CRTAP: variants seen among roughly 807,000 people sequenced by gnomAD.
CRTAP encodes cartilage-associated protein.
A neutral mutation model predicts 42.7 loss-of-function variants in CRTAP; 33 were observed. The observed-to-expected ratio is 0.77, with a 90% CI of 0.59 to 1.03. The LOEUF (loss-of-function observed/expected upper bound fraction) is 1.03. Ranked by LOEUF, CRTAP falls within the 50% of genes least tolerant of loss-of-function variation. The pLI is 0.00. For missense variants in CRTAP, 613 were observed against 533.9 expected (o/e 1.15, Z -1.46); for synonymous variants, 243 against 217.7 (o/e 1.12, Z -1.02).
Position 33,114,404 on chromosome 3 carries a change from CG to C in CRTAP, c.332del (p.Gly111AlafsTer63). The C allele has an allele frequency of 6.5e-7, 1 of 1,540,532 alleles. No homozygotes were observed. The highest frequency in any genetic ancestry group is 8.7e-7 in the Non-Finnish European group (1 of 1,148,314). On this transcript the variant is annotated frameshift_variant, in exon 1 of 7. Coordinates refer to ENST00000320954, the MANE Select transcript of CRTAP (RefSeq NM_006371.5). LOFTEE classifies it high-confidence loss of function. ...CCAGCTATCCCGAGCTGCGCCTCTT[CG>C]GGGGCCTGCTGCGCCGCGCGCACTG... ...LASYPELRLFGGLLRRAHCLK... is the reference protein window; with the variant it reads ...LASYPELRLFXGLLRRAHCLK...
At chr3:33,117,916 C>A (rs562450003) in intron 1 of CRTAP, among the ~76,000 whole-genome samples, 6 of 152,284 alleles carry the variant, frequency 3.9e-5, no homozygotes, top group African/African-American at 7.2e-5. Flanking sequence ...AAGTTAGAAG[C>A]CTTAAAAATC....
chr3:33,138,442 T>G (rs1313187668), intron 6 of CRTAP, among the ~76,000 whole-genome samples: 4 of 152,204 alleles, frequency 2.6e-5, no homozygotes, highest in African/African-American at 9.6e-5. Context: ...TATTTTATTA[T>G]TCCTAAACAT....
rs1459357301 is a variant in CRTAP, at chr3:33,114,253, A to G, written c.176A>G (p.His59Arg). 6.9e-6 allele frequency: 11 copies of G among 1,587,602 alleles called. No individual in the cohort carries two copies. Among genetic ancestry groups the G allele is most frequent in the South Asian group, 2.3e-5 (2 of 88,426 alleles). The change falls in exon 1 of 7, where the codon CAC becomes CGC. Residue 59 changes from histidine to arginine, a missense_variant. Transcript: ENST00000320954. ...GCGCTGGACAAGTACAGCGGCGAGC[A>G]CTGGGCCGAGAGCGTGGGCTACCTG... is the stretch of plus-strand genomic sequence containing the variant. ...RHALDKYSGE[H>R]WAESVGYLEI...
Position 33,114,253 on chromosome 3 carries a change from A to C in CRTAP, c.176A>C (p.His59Pro). ...RHALDKYSGE[H>P]WAESVGYLEI... ...GCGCTGGACAAGTACAGCGGCGAGC[A>C]CTGGGCCGAGAGCGTGGGCTACCTG... The change falls in exon 1 of 7, where the codon CAC (histidine) becomes CCC (proline). Residue 59 changes from histidine to proline, a missense_variant. Transcript: ENST00000320954. The C allele has an allele frequency of 3.8e-6, 6 of 1,587,710 alleles. No individual in the cohort carries two copies. The highest frequency in any genetic ancestry group is 5.1e-6 in the Non-Finnish European group (6 of 1,173,380).
intron 2 of CRTAP, among the ~76,000 whole-genome samples, chr3:33,123,134 C>A (rs1575515740): frequency 6.6e-6 from 1 of 151,914 alleles, no homozygotes; most frequent in African/African-American, 2.4e-5. Context: ...AGCAGAAAGT[C>A]CTTGAAGTTT....
At chr3:33,120,289 C>A in intron 1 of CRTAP, 55 bp from the exon 2 acceptor site, 1 of 1,501,206 alleles carries the variant, frequency 6.7e-7, no homozygotes, top group Non-Finnish European at 9.3e-7. Context: ...TCTTGTTTTA[C>A]AAAAATTACC....
intron 2 of CRTAP, among the ~76,000 whole-genome samples, chr3:33,121,437 A>G (rs1469376298): frequency 1.3e-5 from 2 of 152,026 alleles, no homozygotes; most frequent in African/African-American, 4.8e-5. Flanking sequence ...AAATGGGGAT[A>G]TGTGGAAAAT....
At chr3:33,127,573 G>A (rs1474911823) in intron 3 of CRTAP, among the ~76,000 whole-genome samples, 3 of 151,736 alleles carry the variant, frequency 2.0e-5, no homozygotes, top group South Asian at 2.1e-4. Flanking sequence ...TCAGCCTCCC[G>A]AGTAGCTGGG....
chr3:33,137,244 G>A (rs1193277123), intron 6 of CRTAP, among the ~76,000 whole-genome samples: 2 of 152,080 alleles, frequency 1.3e-5, no homozygotes, highest in Non-Finnish European at 2.9e-5. Context: ...AGGTTCAAGT[G>A]ATTCCCTGCC....
chr3:33,129,018 A>G (rs1309180897), intron 3 of CRTAP, among the ~76,000 whole-genome samples: 1 of 152,208 alleles, frequency 6.6e-6, no homozygotes, highest in Admixed American at 6.5e-5. Flanking sequence ...AAGGCTGTGT[A>G]GATTCTGTTA....
chr3:33,137,744 T>C (rs1288878881), intron 6 of CRTAP, among the ~76,000 whole-genome samples: 1 of 152,230 alleles, frequency 6.6e-6, no homozygotes, highest in Non-Finnish European at 1.5e-5. Flanking sequence ...GCTTTTGTGT[T>C]GTGTGTCATA....
intron 2 of CRTAP, among the ~76,000 whole-genome samples, chr3:33,122,686 G>C (rs1431276877): frequency 7.2e-6 from 1 of 138,312 alleles, no homozygotes; most frequent in Non-Finnish European, 1.5e-5. Flanking sequence ...TTCGAGCCTG[G>C]GCAACAGAGC....
In CRTAP at chr3:33,144,885, T is replaced by G. The variant is rs951014038; in HGVS notation, c.*2437T>G. 6.6e-5 allele frequency: 10 copies of G among 152,244 alleles called. No homozygotes were observed. Among genetic ancestry groups the G allele is most frequent in the African/African-American group, 2.2e-4 (9 of 41,454 alleles). The allele number at this position is 152,244 out of a possible 1,614,324, so 9.4% of individuals were successfully genotyped here. A position where few individuals can be genotyped will look rare whatever the true frequency, so the allele number is the denominator to read the frequency against. ...GTGGTGTTCTGGAAGCTGAGCTTTC[T>G]TTATTCAACCTCATTCCCTTCTCCA... On this transcript the variant is annotated 3_prime_UTR_variant, in exon 7 of 7. Transcript: ENST00000320954.
intron 2 of CRTAP, among the ~76,000 whole-genome samples, chr3:33,123,453 C>T (rs997620828): frequency 5.7e-5 from 5 of 87,040 alleles, no homozygotes; most frequent in Admixed American, 4.7e-4. Flanking sequence ...AACACCTCCC[C>T]GCTCTCTTCC....
Position 33,144,387 on chromosome 3 carries a change from C to T in CRTAP, c.*1939C>T, listed in dbSNP as rs1483661121. On this transcript the variant is annotated 3_prime_UTR_variant, in exon 7 of 7. Coordinates refer to ENST00000320954, the MANE Select transcript of CRTAP (RefSeq NM_006371.5). ...ATCAAAGTGGAGAGTTCTCTCAGGT[C>T]AGGTCTGCAGCAGAGCTCGAGACAG... 6.6e-6 allele frequency: 1 copy of T among 152,184 alleles called. No individual in the cohort carries two copies. The highest frequency in any genetic ancestry group is 2.4e-5 in the African/African-American group (1 of 41,430). 9.4% of individuals were successfully genotyped at this position (152,184 alleles called of 1,614,324 possible).
chr3:33,125,165 T>C (rs1230766969), intron 3 of CRTAP, among the ~76,000 whole-genome samples: 4 of 152,172 alleles, frequency 2.6e-5, no homozygotes, highest in African/African-American at 9.6e-5. Flanking sequence ...CTCCAGAAAC[T>C]GGGAAATGGC....
At chr3:33,134,077 C>T (rs756030522) in intron 5 of CRTAP, 105 bp from the exon 6 acceptor site, 28 of 791,124 alleles carry the variant, frequency 3.5e-5, no homozygotes, top group Non-Finnish European at 6.1e-5. Flanking sequence ...TAATTTTAAA[C>T]ATTTTCATCA....
Position 33,132,554 on chromosome 3 carries a change from G to C in CRTAP, c.923-1G>C. The C allele has an allele frequency of 6.2e-7, 1 of 1,614,016 alleles. No individual in the cohort carries two copies. The highest frequency in any genetic ancestry group is 8.5e-7 in the Non-Finnish European group (1 of 1,179,900). On this transcript the variant is annotated splice_acceptor_variant, in intron 4 of 6. Transcript: ENST00000320954. LOFTEE classifies it high-confidence loss of function. ...CATTTGTCTTTTCTTCCCAACCCTA[G>C]TGAACGACCTGAAGAATGCAGCCCC...
chr3:33,116,297 T>G lies in CRTAP; in HGVS notation c.471+1749T>G, dbSNP rs192627262. Among the ~76,000 whole-genome samples the G allele has an allele frequency of 1.9e-3, 293 of 152,348 alleles. 1 individual carries two copies. The highest frequency in any genetic ancestry group is 6.8e-3 in the African/African-American group (283 of 41,576). On this transcript the variant is annotated intron_variant, in intron 1 of 6. Transcript: ENST00000320954. Reference sequence around the variant, plus strand: ...TGGTCATAGCTTCTCTTCAAAACCCTTTACAGGTCTTGTAACAATCACTTA... The same window carrying G: ...TGGTCATAGCTTCTCTTCAAAACCCGTTACAGGTCTTGTAACAATCACTTA...
Sources: gnomAD v4.1 joint callset for allele counts (sites outside exome capture counted in the v4.1 genomes callset) on GRCh38, gnomAD v4.1.1 for gene constraint, MANE v1.5 for transcripts, NCBI Gene and HGNC (gene_info 2026-07-23, HGNC 2026-07-21) for gene names.